Variants in FSCN1 observed in about 807,000 individuals in gnomAD.
The protein encoded by FSCN1 is fascin.
Under a neutral mutation model 39.7 loss-of-function variants are expected in FSCN1, and 10 were observed. That is an observed-to-expected ratio of 0.25 (90% CI 0.16 to 0.43). FSCN1 has a LOEUF of 0.43. Ranked by LOEUF, FSCN1 falls within the 20% of genes least tolerant of loss-of-function variation. FSCN1 has a pLI of 1.00. For synonymous variants in FSCN1, 322 were observed against 320.0 expected (o/e 1.01, Z -0.07); for missense variants, 525 against 723.8 (o/e 0.73, Z 3.15).
Position 5,605,252 on chromosome 7 carries a change from T to C in FSCN1, c.1280-20T>C. ...GGGGAGCCAGGCTTTGGGCCCCACT[T>C]GATAAAGTCCCCTCCCCAGACTCCA... On this transcript the variant is annotated intron_variant, in intron 4 of 4. Transcript: ENST00000382361. The surrounding 1 kb of genome is among the most constrained non-coding windows in gnomAD (Gnocchi z 6.9). 1 of 1,600,466 alleles carries C rather than the reference T, an allele frequency of 6.2e-7. No homozygotes were observed. Among genetic ancestry groups the C allele is most frequent in the South Asian group, 1.1e-5 (1 of 90,782 alleles).
chr7:5,601,630 G>C (rs1785833264), intron 1 of FSCN1, among the ~76,000 whole-genome samples: 1 of 152,156 alleles, frequency 6.6e-6, no homozygotes, highest in Non-Finnish European at 1.5e-5. Context: ...GTGAGGCCGG[G>C]AGTTCAAGAC....
At chr7:5,604,503 C>T (rs1695053353) in intron 4 of FSCN1, among the ~76,000 whole-genome samples, 2 of 120,764 alleles carry the variant, frequency 1.7e-5, no homozygotes, top group Admixed American at 1.6e-4. Flanking sequence ...GAGACTCACT[C>T]CCTCACCCTG....
intron 1 of FSCN1, among the ~76,000 whole-genome samples, chr7:5,602,164 C>G (rs1483252939): frequency 2.0e-5 from 3 of 151,560 alleles, no homozygotes; most frequent in Non-Finnish European, 4.4e-5. Context: ...CCTTGGCCTC[C>G]CAAACTGCTG....
rs1361179699 is a variant in FSCN1, at chr7:5,603,839, C to G, written c.1112-24C>G. The G allele has an allele frequency of 4.4e-6, 7 of 1,606,766 alleles. No homozygotes were observed. Among genetic ancestry groups the G allele is most frequent in the Non-Finnish European group, 6.0e-6 (7 of 1,175,296 alleles). ...ACCCCACTCCCTGCCAGGAGGCTCA[C>G]TGACTCCCCTCTTTCTGGGACAGGG... On this transcript the variant is annotated intron_variant, in intron 3 of 4. Coordinates refer to ENST00000382361, the MANE Select transcript of FSCN1 (RefSeq NM_003088.4). The surrounding 1 kb of genome is among the most constrained non-coding windows in gnomAD (Gnocchi z 8.5).
chr7:5,597,711 A>T (rs1249068116), intron 1 of FSCN1, among the ~76,000 whole-genome samples: 1 of 146,312 alleles, frequency 6.8e-6, no homozygotes, highest in African/African-American at 2.4e-5. Flanking sequence ...ACAAACAAAC[A>T]AAAAACTGTA....
At position 5,605,983 on chromosome 7, in the gene FSCN1, G is replaced by C. The variant is rs1006946604; in HGVS notation, c.*509G>C. 4 of 157,254 alleles carry C rather than the reference G, an allele frequency of 2.5e-5. No individual in the cohort carries two copies. The highest frequency in any genetic ancestry group is 9.6e-5 in the African/African-American group (4 of 41,596). The allele number at this position is 157,254 out of a possible 1,614,324, so 9.7% of individuals were successfully genotyped here. A position where few individuals can be genotyped will look rare whatever the true frequency, so the allele number is the denominator to read the frequency against. On this transcript the variant is annotated 3_prime_UTR_variant, in exon 5 of 5. Transcript: ENST00000382361. The surrounding 1 kb of genome is among the most constrained non-coding windows in gnomAD (Gnocchi z 6.9). Reference sequence around the variant, plus strand: ...CCCCTGCTTGGGAAGGGAAGCTGTCGGGTGGGCTAGGACTGACCCTTGTGG... The same window carrying C: ...CCCCTGCTTGGGAAGGGAAGCTGTCCGGTGGGCTAGGACTGACCCTTGTGG...
rs1379739233 is a variant in FSCN1 at position 5,599,287 on chromosome 7, A to G, written c.833-3970A>G. Among the ~76,000 whole-genome samples, 3 of 152,086 alleles carry G rather than the reference A, an allele frequency of 2.0e-5. No homozygotes were observed. Among genetic ancestry groups the G allele is most frequent in the Admixed American group, 2.0e-4 (3 of 15,282 alleles). On this transcript the variant is annotated intron_variant, in intron 1 of 4. Coordinates refer to ENST00000382361, the MANE Select transcript of FSCN1 (RefSeq NM_003088.4). The surrounding 1 kb of genome is among the most constrained non-coding windows in gnomAD (Gnocchi z 5.6). ...GGGGGGTGGAGCCCAAGGGGTTCCAAGAAGGGGCGGGGCCAGGAACCCATA... is the reference window on the plus strand; with the variant it reads ...GGGGGGTGGAGCCCAAGGGGTTCCAGGAAGGGGCGGGGCCAGGAACCCATA...
In FSCN1 at chr7:5,593,455, C is replaced by A; in HGVS notation, c.519C>A (p.Val173=). The change falls in exon 1 of 5, where the codon GTC becomes GTA. Residue 173 remains valine (V), a synonymous_variant. Transcript: ENST00000382361. ...TGGACCGCGACGTGCCCTGGGGCGTCGACTCGCTCATCACCCTCGCCTTCC... is the reference window on the plus strand; with the variant it reads ...TGGACCGCGACGTGCCCTGGGGCGTAGACTCGCTCATCACCCTCGCCTTCC... The part of the protein sequence containing the change: ...IAVDRDVPWG[V]DSLITLAFQD... 1 of 1,611,868 alleles carries A rather than the reference C, an allele frequency of 6.2e-7. No individual in the cohort carries two copies. Among genetic ancestry groups the A allele is most frequent in the Non-Finnish European group, 8.5e-7 (1 of 1,179,716 alleles).
intron 1 of FSCN1, among the ~76,000 whole-genome samples, chr7:5,597,836 A>G (rs1314847774): frequency 3.3e-5 from 5 of 151,530 alleles, no homozygotes; most frequent in Non-Finnish European, 5.9e-5. Flanking sequence ...ACCTCTCTGG[A>G]AGGAGGAGGG....
chr7:5,604,219 T>G (rs1785887981), intron 4 of FSCN1, among the ~76,000 whole-genome samples, 189 bp downstream of exon 4: 1 of 151,824 alleles, frequency 6.6e-6, no homozygotes, highest in Non-Finnish European at 1.5e-5. Flanking sequence ...TTCCCTCTTG[T>G]CTGTGTGGTT....
intron 1 of FSCN1, among the ~76,000 whole-genome samples, chr7:5,598,837 G>A (rs888027927): frequency 1.3e-5 from 2 of 152,248 alleles, no homozygotes; most frequent in African/African-American, 4.8e-5. Context: ...CGGAGCCCCA[G>A]CGCATTGGAC....
intron 1 of FSCN1, among the ~76,000 whole-genome samples, chr7:5,600,248 CT>C (rs1298260756): frequency 6.6e-6 from 1 of 151,914 alleles, no homozygotes; most frequent in Admixed American, 6.6e-5. Context: ...TCCGTCTCTA[CT>C]AAAAATACAA....
At chr7:5,601,366 C>A (rs1785828092) in intron 1 of FSCN1, among the ~76,000 whole-genome samples, 1 of 151,782 alleles carries the variant, frequency 6.6e-6, no homozygotes, top group Non-Finnish European at 1.5e-5. Flanking sequence ...CCATGCCCAG[C>A]TAATTTTTGT....
intron 1 of FSCN1, chr7:5,594,124 G>C (rs1231634174): frequency 3.7e-6 from 1 of 272,636 alleles, no homozygotes; most frequent in Non-Finnish European, 6.9e-6. Flanking sequence ...TGCGGAGTGG[G>C]AGCCCCTCAC....
Position 5,592,840 on chromosome 7 carries a change from C to A in FSCN1, c.-97C>A, listed in dbSNP as rs1785656320. The A allele has an allele frequency of 1.4e-6, 1 of 697,480 alleles. No homozygotes were observed. Among genetic ancestry groups the A allele is most frequent in the Non-Finnish European group, 2.3e-6 (1 of 429,804 alleles). 43.2% of individuals were successfully genotyped at this position (697,480 alleles called of 1,614,324 possible). A position where few individuals can be genotyped will look rare whatever the true frequency, so the allele number is the denominator to read the frequency against. On this transcript the variant is annotated 5_prime_UTR_variant, in exon 1 of 5. Transcript: ENST00000382361. The surrounding 1 kb of genome is among the most constrained non-coding windows in gnomAD (Gnocchi z 5.3). Reference sequence around the variant, plus strand: ...TGTGGAGCGCTGCGGAGGGTGCGTGCGGGCCGCGGCAGCCGAACAAAGGAG... The same window carrying A: ...TGTGGAGCGCTGCGGAGGGTGCGTGAGGGCCGCGGCAGCCGAACAAAGGAG...
intron 1 of FSCN1, chr7:5,594,150 C>T (rs1275830876): frequency 2.3e-5 from 5 of 213,248 alleles, no homozygotes; most frequent in East Asian, 2.0e-4. Context: ...TCCTCGTGCC[C>T]CTCCCCCCGC....
chr7:5,593,964 C>T, intron 1 of FSCN1, 196 bp downstream of exon 1: 1 of 559,116 alleles, frequency 1.8e-6, no homozygotes, highest in Non-Finnish European at 3.1e-6. Flanking sequence ...CCTCGGGTGC[C>T]GCTGCCCACC....
chr7:5,593,435 C>G lies in FSCN1; in HGVS notation c.499C>G (p.Arg167Gly), dbSNP rs1219358835. The G allele has an allele frequency of 1.9e-6, 3 of 1,611,944 alleles. No individual in the cohort carries two copies. In the Admixed American group the frequency reaches 5.0e-5, roughly 27 times the overall value. Residue 167 changes from arginine (R) to glycine (G), a missense_variant, in exon 1 of 5, where the codon CGC (arginine) becomes GGC (glycine). By Grantham distance (125) the Arg-to-Gly change is moderately radical. Coordinates refer to ENST00000382361, the MANE Select transcript of FSCN1 (RefSeq NM_003088.4). ...GCCGGCCGACGAGATCGCCGTGGAC[C>G]GCGACGTGCCCTGGGGCGTCGACTC... ...ARPADEIAVD[R>G]DVPWGVDSLI...
rs1057125550 is a variant in FSCN1 at position 5,604,159 on chromosome 7, G to A, written c.1279+129G>A. 4.9e-6 allele frequency: 4 copies of A among 809,670 alleles called. No individual in the cohort carries two copies. In the African/African-American group the frequency reaches 5.2e-5, roughly 10 times the overall value. 50.2% of individuals were successfully genotyped at this position (809,670 alleles called of 1,614,324 possible). On this transcript the variant is annotated intron_variant, in intron 4 of 4. Transcript: ENST00000382361. ...GCTCAGGGCCATTCCAGGCCCTAAA[G>A]GGACAGGTGTCTGATGGCCACCAGG...
Sources: allele counts gnomAD v4.1 joint callset (sites outside exome capture counted in the v4.1 genomes callset), GRCh38; gene constraint gnomAD v4.1.1; non-coding constraint Gnocchi (gnomAD v3.1); transcripts MANE v1.5; gene names NCBI Gene and HGNC (gene_info 2026-07-23, HGNC 2026-07-21).